GRAMD1B: variants seen among roughly 807,000 people sequenced by gnomAD.
GRAMD1B encodes protein Aster-B.
In GRAMD1B, 37 loss-of-function variants were observed where a neutral mutation model predicts 99.7. The observed-to-expected ratio is 0.37, with a 90% CI of 0.29 to 0.49. GRAMD1B has a LOEUF of 0.49. GRAMD1B is among the 20% of genes least tolerant of loss of function. GRAMD1B has a pLI of 0.98. For missense variants in GRAMD1B, 888 were observed against 1,009.2 expected (o/e 0.88, Z 1.63); for synonymous variants, 427 against 387.6 (o/e 1.10, Z -1.19).
At chr11:123,426,901 G>A (rs1360081597), upstream of GRAMD1B, among the ~76,000 whole-genome samples, 1 of 152,204 alleles carries the variant, frequency 6.6e-6, no homozygotes, top group South Asian at 2.1e-4. Flanking sequence ...CAGGTGTTGG[G>A]TGTCTTGTGT....
intron 2 of GRAMD1B, among the ~76,000 whole-genome samples, chr11:123,494,316 A>ATGT (rs1180558507): frequency 6.6e-6 from 1 of 152,130 alleles, no homozygotes; most frequent in African/African-American, 2.4e-5. Flanking sequence ...GCTCATGGAA[A>ATGT]TGTTTTGATC....
At chr11:123,525,877 C>T (rs1312020407) in intron 2 of GRAMD1B, 24 of 523,174 alleles carry the variant, frequency 4.6e-5, no homozygotes, top group Admixed American at 6.4e-5. Flanking sequence ...AGCCACAGCT[C>T]GGGCAGGCGG....
chr11:123,496,625 G>C (rs1357577978), intron 2 of GRAMD1B, among the ~76,000 whole-genome samples: 1 of 151,010 alleles, frequency 6.6e-6, no homozygotes. Context: ...TCGTAGGCAT[G>C]CTTCATTGTT....
At chr11:123,499,040 A>C (rs1272619580) in intron 2 of GRAMD1B, among the ~76,000 whole-genome samples, 10 of 152,192 alleles carry the variant, frequency 6.6e-5, no homozygotes. Flanking sequence ...GGGCTGGGAC[A>C]TGGAAGGGCC....
chr11:123,436,184 G>A (rs1397372571), intron 1 of GRAMD1B, among the ~76,000 whole-genome samples: 1 of 151,990 alleles, frequency 6.6e-6, no homozygotes, highest in Non-Finnish European at 1.5e-5. Context: ...CTCATGATCT[G>A]CCCACCTCAG....
intron 2 of GRAMD1B, among the ~76,000 whole-genome samples, chr11:123,544,684 C>T (rs1355233057): frequency 2.0e-5 from 3 of 152,220 alleles, no homozygotes; most frequent in Non-Finnish European, 2.9e-5. Context: ...CCCACAGCGG[C>T]GGTTGTCATC....
At chr11:123,375,943 A>AT (rs969841037) in intron 1 of GRAMD1B, among the ~76,000 whole-genome samples, 56 of 148,978 alleles carry the variant, frequency 3.8e-4, no homozygotes, top group South Asian at 8.5e-4. Flanking sequence ...GAAAAGGTAG[A>AT]TTTTTTTTTT....
In GRAMD1B at chr11:123,624,133, T is replaced by C. The variant is rs1148115; in HGVS notation, c.*1538T>C. On this transcript the variant is annotated 3_prime_UTR_variant, in exon 20 of 20. Coordinates refer to ENST00000635736, the MANE Select transcript of GRAMD1B (RefSeq NM_001387025.1). ...CTTGTGGAGATTCATGAAAGAGTCA[T>C]AGCCAGTTTGGCATGCAGAGGTCTT... is the stretch of plus-strand genomic sequence containing the variant. The C allele has an allele frequency of 0.88, 133,529 of 152,216 alleles. 58,737 individuals are homozygous for C. Among genetic ancestry groups the C allele is most frequent in the East Asian group, 1 (5,168 of 5,174 alleles). The allele number at this position is 152,216 out of a possible 1,614,324, so 9.4% of individuals were successfully genotyped here.
In GRAMD1B at chr11:123,613,407, T is replaced by C. The variant is rs568815702; in HGVS notation, c.2024-48T>C. 55 of 1,336,534 alleles carry C rather than the reference T, an allele frequency of 4.1e-5. No homozygotes were observed. The Middle Eastern group carries it at 5.6e-4, about 14-fold the overall frequency. 82.8% of individuals were successfully genotyped at this position (1,336,534 alleles called of 1,614,324 possible). A position where few individuals can be genotyped will look rare whatever the true frequency, so the allele number is the denominator to read the frequency against. On this transcript the variant is annotated intron_variant, in intron 15 of 19. Transcript: ENST00000635736. ...GAAAATGGTTCTGCAGAGAGTTGCA[T>C]TGGAGGGCTGAAGGTGGCCTCTCCT...
At chr11:123,555,391 G>A (rs558932149) in intron 2 of GRAMD1B, among the ~76,000 whole-genome samples, 4 of 152,070 alleles carry the variant, frequency 2.6e-5, no homozygotes, top group African/African-American at 9.7e-5. Context: ...CTCTGTCACC[G>A]AGGCTGGGGT....
At chr11:123,370,335 CTCT>C (rs1367190746) in intron 1 of GRAMD1B, among the ~76,000 whole-genome samples, 2 of 130,094 alleles carry the variant, frequency 1.5e-5, no homozygotes, top group South Asian at 2.4e-4. Context: ...AAGAAGTTAT[CTCT>C]TTTTTTTTTT....
Position 123,590,245 on chromosome 11 carries a change from C to A in GRAMD1B, c.685-3837C>A, listed in dbSNP as rs140071946. On this transcript the variant is annotated intron_variant, in intron 4 of 19. Coordinates refer to ENST00000635736, the MANE Select transcript of GRAMD1B (RefSeq NM_001387025.1). ...GCTGTTGATCTCAGCGTCTCCACCACCAGCGTGTCTGAAACTGGATCAGCA... is the reference window on the plus strand; with the variant it reads ...GCTGTTGATCTCAGCGTCTCCACCAACAGCGTGTCTGAAACTGGATCAGCA... Among the ~76,000 whole-genome samples the A allele has an allele frequency of 2.5e-3, 380 of 152,302 alleles. 1 individual carries two copies. The highest frequency in any genetic ancestry group is 3.7e-3 in the Non-Finnish European group (254 of 68,028).
At chr11:123,394,004 T>C (rs890792100) in intron 1 of GRAMD1B, among the ~76,000 whole-genome samples, 10 of 152,242 alleles carry the variant, frequency 6.6e-5, no homozygotes, top group African/African-American at 2.2e-4. Context: ...AATGCAACTC[T>C]GAAAAGGTCA....
At chr11:123,417,715 T>C (rs943847236) in intron 1 of GRAMD1B, among the ~76,000 whole-genome samples, 10 of 151,902 alleles carry the variant, frequency 6.6e-5, no homozygotes, top group African/African-American at 2.4e-4. Flanking sequence ...GAGGGGCGGG[T>C]CACTTGAGGT....
rs1382406513 is a variant in GRAMD1B, at chr11:123,610,477, T to A, written c.1919+139T>A. ...TTATTCTACTTTCTCTCCGAAGCCT[T>A]ATGAGGCTCACCCACCACTCTGTTT... On this transcript the variant is annotated intron_variant, in intron 14 of 19. Transcript: ENST00000635736. This position sits in a 1 kb window ranked among gnomAD's most constrained non-coding sequence, Gnocchi z 4.1. 1.2e-6 allele frequency: 1 copy of A among 801,296 alleles called. No individual in the cohort carries two copies. The highest frequency in any genetic ancestry group is 2.1e-6 in the Non-Finnish European group (1 of 484,318). The allele number at this position is 801,296 out of a possible 1,614,324, so 49.6% of individuals were successfully genotyped here.
At chr11:123,445,772 T>G (rs1393562688) in intron 1 of GRAMD1B, among the ~76,000 whole-genome samples, 1 of 130,768 alleles carries the variant, frequency 7.6e-6, no homozygotes, top group Non-Finnish European at 1.5e-5. Context: ...TGAGCTGAGA[T>G]GGTGCCAGTG....
rs1483498315 is a variant in GRAMD1B, at chr11:123,559,711, G to A, written c.453-17656G>A. The A allele has an allele frequency of 1.1e-5, 11 of 984,196 alleles. No individual in the cohort carries two copies. The African/African-American group carries it at 1.7e-4, about 16-fold the overall frequency. 61.0% of individuals were successfully genotyped at this position (984,196 alleles called of 1,614,324 possible). ...ACGAATGTAAGTGCTTTCCCTGAGTGTTACTCTTGCTGTCTGTGAGAGCCT... is the reference window on the plus strand; with the variant it reads ...ACGAATGTAAGTGCTTTCCCTGAGTATTACTCTTGCTGTCTGTGAGAGCCT... On this transcript the variant is annotated intron_variant, in intron 2 of 19. Coordinates refer to ENST00000635736, the MANE Select transcript of GRAMD1B (RefSeq NM_001387025.1).
intron 1 of GRAMD1B, among the ~76,000 whole-genome samples, chr11:123,377,831 A>C (rs891376630): frequency 5.3e-5 from 8 of 152,220 alleles, no homozygotes; most frequent in Non-Finnish European, 7.3e-5. Flanking sequence ...AGACTTGCAA[A>C]AGATCTCAAA....
At chr11:123,432,206 G>T (rs2134184815) in intron 1 of GRAMD1B, 1 of 394,120 alleles carries the variant, frequency 2.5e-6, no homozygotes, top group South Asian at 1.4e-4. Flanking sequence ...TGTGGGGGAA[G>T]GATAGGTAGA....
Sources: allele counts gnomAD v4.1 joint callset (sites outside exome capture counted in the v4.1 genomes callset), GRCh38; gene constraint gnomAD v4.1.1; non-coding constraint Gnocchi (gnomAD v3.1); transcripts MANE v1.5; gene names NCBI Gene and HGNC (gene_info 2026-07-23, HGNC 2026-07-21).